Variants in COL5A2 observed in about 807,000 individuals in gnomAD.
COL5A2 encodes the protein collagen type V alpha 2 chain, also known as collagen alpha-2(V) chain.
Under a neutral mutation model 208.2 loss-of-function variants are expected in COL5A2, and 23 were observed. The ratio of observed to expected loss-of-function variants is 0.11; its 90% CI spans 0.08 to 0.16. The LOEUF (loss-of-function observed/expected upper bound fraction) is 0.16, where lower values mean the gene tolerates loss of function less well. Among genes scored for constraint, COL5A2 ranks in the 10% least tolerant of loss-of-function variants. The probability of loss-of-function intolerance (pLI) is 1.00; values close to 1 mark genes in which losing one functional copy is unlikely to be tolerated. For missense variants in COL5A2, 1,590 were observed against 1,956.4 expected (o/e 0.81, Z 3.53); for synonymous variants, 625 against 628.5 (o/e 0.99, Z 0.08).
the COL5A2 span, among the ~76,000 whole-genome samples, chr2:189,371,000 C>T: frequency 3.9e-5 from 6 of 152,072 alleles, no homozygotes; most frequent in Non-Finnish European, 7.4e-5. Flanking sequence ...GTGCAGATTC[C>T]TCATGAATGG....
chr2:189,380,353 G>A, the COL5A2 span, among the ~76,000 whole-genome samples: 6 of 151,704 alleles, frequency 4.0e-5, 1 homozygote, highest in South Asian at 1.2e-3. Context: ...AATGTTTTAA[G>A]CTAAAATATT....
chr2:189,318,987 T>C, the COL5A2 span, among the ~76,000 whole-genome samples: 11 of 151,778 alleles, frequency 7.2e-5, no homozygotes, highest in Non-Finnish European at 1.6e-4. Context: ...CCCCAGGATA[T>C]GTGGTACTGT....
At chr2:189,421,532 TG>T in the COL5A2 span, among the ~76,000 whole-genome samples, 1 of 151,692 alleles carries the variant, frequency 6.6e-6, no homozygotes, top group African/African-American at 2.4e-5. Flanking sequence ...ACCATCTGCT[TG>T]GGGGAAAGAG....
chr2:189,158,505 G>A (rs1421973710), intron 1 of COL5A2, among the ~76,000 whole-genome samples: 1 of 152,048 alleles, frequency 6.6e-6, no homozygotes, highest in Non-Finnish European at 1.5e-5. Flanking sequence ...TGGCTACTGT[G>A]AAATTAGTTC....
intron 33 of COL5A2, 26 bp from the exon 34 acceptor site, chr2:189,057,453 C>A: frequency 6.7e-7 from 1 of 1,496,790 alleles, no homozygotes; most frequent in Non-Finnish European, 9.3e-7. Flanking sequence ...ATTAAGTGAC[C>A]ATACCAATAA....
chr2:189,303,976 G>A, the COL5A2 span, among the ~76,000 whole-genome samples: 7 of 152,282 alleles, frequency 4.6e-5, 1 homozygote, highest in East Asian at 1.2e-3. Context: ...ACAAGCTAGA[G>A]TAGATTAGGT....
chr2:189,123,148 G>C (rs1687541574), intron 1 of COL5A2, among the ~76,000 whole-genome samples: 1 of 152,000 alleles, frequency 6.6e-6, no homozygotes, highest in African/African-American at 2.4e-5. Context: ...ATTTTTAGTA[G>C]AGACAAGGTT....
At chr2:189,054,132 T>C (rs1217820196) in intron 36 of COL5A2, 27 bp downstream of exon 36, 1 of 1,601,128 alleles carries the variant, frequency 6.2e-7, no homozygotes, top group Non-Finnish European at 8.6e-7. Context: ...TAATTTTGAG[T>C]GTACAAATTA....
chr2:189,146,210 G>T (rs1688036949), intron 1 of COL5A2, among the ~76,000 whole-genome samples: 1 of 152,084 alleles, frequency 6.6e-6, no homozygotes, highest in African/African-American at 2.4e-5. Flanking sequence ...AGTGGGAAGT[G>T]AATGAAGATA....
chr2:189,419,164 A>G, the COL5A2 span, among the ~76,000 whole-genome samples: 110 of 152,274 alleles, frequency 7.2e-4, no homozygotes, highest in Middle Eastern at 0.014. Flanking sequence ...GATGACCTCA[A>G]TAATGTCCCT....
At chr2:189,068,361 A>ATGCTTCTACTTCCTTTTT in intron 19 of COL5A2, 91 bp from the exon 20 acceptor site, 1 of 1,111,250 alleles carries the variant, frequency 9.0e-7, no homozygotes, top group Non-Finnish European at 1.4e-6. Context: ...ATCTTCAAAA[A>ATGCTTCTACTTCCTTTTT]GGAAGTAGAA....
Position 189,052,769 on chromosome 2 carries a change from G to C in COL5A2, c.2695C>G (p.Arg899Gly), listed in dbSNP as rs1468281714. 1 of 1,614,028 alleles carries C rather than the reference G, an allele frequency of 6.2e-7. No homozygotes were observed. The highest frequency in any genetic ancestry group is 8.5e-7 in the Non-Finnish European group (1 of 1,180,004). Reference sequence around the variant, plus strand: ...CTTACAGGCGGACCTTGGGTTCCTCGACCACCTTTTAGTCCAGGAACACCA... The same window carrying C: ...CTTACAGGCGGACCTTGGGTTCCTCCACCACCTTTTAGTCCAGGAACACCA... Reference protein sequence around the residue: ...PNGVPGLKGGRGTQGPPGATG... With the variant: ...PNGVPGLKGGGGTQGPPGATG... The change falls in exon 40 of 54, where the codon CGA becomes GGA. Residue 899 changes from arginine to glycine, a missense_variant. Transcript: ENST00000374866.
the COL5A2 span, among the ~76,000 whole-genome samples, chr2:189,318,420 G>A: frequency 6.6e-6 from 1 of 152,012 alleles, no homozygotes; most frequent in Non-Finnish European, 1.5e-5. Flanking sequence ...CCTTGAATTA[G>A]CCAACTCCCT....
the COL5A2 span, among the ~76,000 whole-genome samples, chr2:189,436,956 C>T: frequency 8.9e-4 from 136 of 152,102 alleles, no homozygotes; most frequent in African/African-American, 1.8e-3. Flanking sequence ...CCATGGCACA[C>T]ATTTACCTAT....
At chr2:189,425,637 C>T in the COL5A2 span, among the ~76,000 whole-genome samples, 1 of 152,046 alleles carries the variant, frequency 6.6e-6, no homozygotes, top group Admixed American at 6.6e-5. Context: ...AATTTCTGTC[C>T]CCACCCCAAT....
the COL5A2 span, among the ~76,000 whole-genome samples, chr2:189,305,885 T>C: frequency 1.6e-4 from 24 of 151,758 alleles, no homozygotes; most frequent in Middle Eastern, 3.4e-3. Flanking sequence ...AGGGCATCAG[T>C]CAGCACCTCT....
the COL5A2 span, among the ~76,000 whole-genome samples, chr2:189,252,557 A>C: frequency 6.6e-6 from 1 of 152,110 alleles, no homozygotes; most frequent in Non-Finnish European, 1.5e-5. Context: ...GTGGGAATTG[A>C]ACAGTGAGAA....
At chr2:189,356,697 G>C in the COL5A2 span, among the ~76,000 whole-genome samples, 1 of 152,150 alleles carries the variant, frequency 6.6e-6, no homozygotes, top group Admixed American at 6.5e-5. Flanking sequence ...TTAACTCGGA[G>C]GAGTTTGTTA....
the COL5A2 span, among the ~76,000 whole-genome samples, chr2:189,358,356 A>C: frequency 6.6e-6 from 1 of 152,162 alleles, no homozygotes; most frequent in East Asian, 1.9e-4. Flanking sequence ...CAAAACATTT[A>C]TTTTGCAGCC....
Sources: allele counts gnomAD v4.1 joint callset (sites outside exome capture counted in the v4.1 genomes callset), GRCh38; gene constraint gnomAD v4.1.1; transcripts MANE v1.5; gene names NCBI Gene and HGNC (gene_info 2026-07-23, HGNC 2026-07-21).